VAV2: variants seen among roughly 807,000 people sequenced by gnomAD.
VAV2 encodes guanine nucleotide exchange factor VAV2.
In VAV2, 67 loss-of-function variants were observed where a neutral mutation model predicts 132.5. That is an observed-to-expected ratio of 0.51 (90% confidence interval 0.42 to 0.62). The LOEUF is 0.62. Among genes scored for constraint, VAV2 ranks in the 20% least tolerant of loss-of-function variants. The probability of loss-of-function intolerance (pLI) is 0.00; values close to 1 mark genes in which losing one functional copy is unlikely to be tolerated. For missense variants in VAV2, 938 were observed against 1,153.6 expected (o/e 0.81, Z 2.71); for synonymous variants, 492 against 443.5 (o/e 1.11, Z -1.37).
In VAV2 at chr9:133,788,235, C is replaced by T; in HGVS notation, c.1407+119G>A. ...CAGAGCGGAGACGCCCACCCCAACC[C>T]ACCCGGCCAGCATCAGCGGCTGACT... On this transcript the variant is annotated intron_variant, in intron 15 of 29. Coordinates refer to ENST00000371850, the MANE Select transcript of VAV2 (RefSeq NM_001134398.2). The surrounding 1 kb of genome is among the most constrained non-coding windows in gnomAD (Gnocchi z 5.3). 1.0e-6 allele frequency: 1 copy of T among 998,870 alleles called. No individual in the cohort carries two copies. The highest frequency in any genetic ancestry group is 1.5e-6 in the Non-Finnish European group (1 of 680,470). 61.9% of individuals were successfully genotyped at this position (998,870 alleles called of 1,614,324 possible). A position where few individuals can be genotyped will look rare whatever the true frequency, so the allele number is the denominator to read the frequency against.
rs1834640854 is a variant in VAV2, at chr9:133,794,757, T to C, written c.1101+911A>G. 6.6e-6 allele frequency among the ~76,000 whole-genome samples: 1 copy of C among 152,144 alleles called. No homozygotes were observed. The highest frequency in any genetic ancestry group is 2.4e-5 in the African/African-American group (1 of 41,428). On this transcript the variant is annotated intron_variant, in intron 12 of 29. Transcript: ENST00000371850. The surrounding 1 kb of genome is among the most constrained non-coding windows in gnomAD (Gnocchi z 4.6). ...ATGCAGCTGGAGGGGACCTACCACA[T>C]GCCAGGTGCTGTGCCTGGCCTGGGG... is the stretch of plus-strand genomic sequence containing the variant.
chr9:133,980,255 G>A (rs961875415), intron 1 of VAV2, among the ~76,000 whole-genome samples: 3 of 152,178 alleles, frequency 2.0e-5, no homozygotes, highest in Admixed American at 2.0e-4. Flanking sequence ...AGACCTGCAC[G>A]GGCTGGCACG....
intron 2 of VAV2, among the ~76,000 whole-genome samples, chr9:133,911,213 T>C (rs2132043785): frequency 6.6e-6 from 1 of 152,312 alleles, no homozygotes; most frequent in South Asian, 2.1e-4. Flanking sequence ...CCTGCCTCAC[T>C]CACTAAGCAA....
chr9:133,917,488 T>C lies in VAV2; in HGVS notation c.321+21615A>G, dbSNP rs186334962. 1.8e-3 allele frequency among the ~76,000 whole-genome samples: 271 copies of C among 151,240 alleles called. 2 individuals are homozygous for C. Among genetic ancestry groups the C allele is most frequent in the African/African-American group, 6.2e-3 (254 of 41,102 alleles). On this transcript the variant is annotated intron_variant, in intron 2 of 29. Transcript: ENST00000371850. ...AAGGGTTTTATTTGTTTATCGTTTC[T>C]AGTAAGTCACAAAGACGCATAACCT...
At chr9:133,845,565 T>C (rs2428121) in intron 3 of VAV2, among the ~76,000 whole-genome samples, 2,095 of 152,262 alleles carry the variant, frequency 0.014, 40 homozygotes, top group African/African-American at 0.047. Flanking sequence ...CCTGCCGACT[T>C]GTCTGCTGGG....
chr9:133,843,748 A>T (rs1187710226), intron 3 of VAV2, among the ~76,000 whole-genome samples: 3 of 152,220 alleles, frequency 2.0e-5, no homozygotes, highest in African/African-American at 7.2e-5. Flanking sequence ...TCAAGTGCCA[A>T]GTGGGGCAGG....
chr9:133,875,086 C>T (rs1232954289), intron 2 of VAV2, among the ~76,000 whole-genome samples: 2 of 152,242 alleles, frequency 1.3e-5, no homozygotes, highest in Non-Finnish European at 2.9e-5. Context: ...GGCTCTCCCG[C>T]TGCAGACCCC....
intron 2 of VAV2, among the ~76,000 whole-genome samples, chr9:133,904,297 G>A (rs995427692): frequency 6.6e-6 from 1 of 152,206 alleles, no homozygotes; most frequent in Non-Finnish European, 1.5e-5. Context: ...ATTTCTAGAC[G>A]CTCTAAGACA....
rs1474538238 is a variant in VAV2 at position 133,935,894 on chromosome 9, C to T, written c.321+3209G>A. ...ACCCAGCACACGGTCCCAGGGGGCC[C>T]GGTCCCCAGCCAGCTGTCCCTGACA... On this transcript the variant is annotated intron_variant, in intron 2 of 29. Coordinates refer to ENST00000371850, the MANE Select transcript of VAV2 (RefSeq NM_001134398.2). This position sits in a 1 kb window ranked among gnomAD's most constrained non-coding sequence, Gnocchi z 5.2. Among the ~76,000 whole-genome samples the T allele has an allele frequency of 2.0e-5, 3 of 152,182 alleles. No individual in the cohort carries two copies. Among genetic ancestry groups the T allele is most frequent in the African/African-American group, 4.8e-5 (2 of 41,440 alleles).
At chr9:133,812,370 G>A (rs538569425) in intron 4 of VAV2, among the ~76,000 whole-genome samples, 154 bp from the exon 5 acceptor site, 148 of 152,348 alleles carry the variant, frequency 9.7e-4, no homozygotes, top group African/African-American at 3.2e-3. Context: ...GGTGGGCCCC[G>A]CCTGCAGGGC....
At chr9:133,862,344 C>A (rs1342971194) in intron 2 of VAV2, among the ~76,000 whole-genome samples, 2 of 152,242 alleles carry the variant, frequency 1.3e-5, no homozygotes, top group African/African-American at 4.8e-5. Context: ...CCCAGGGGCA[C>A]AGGTTGTCAC....
intron 10 of VAV2, among the ~76,000 whole-genome samples, chr9:133,797,414 G>A (rs1002273379): frequency 1.2e-4 from 18 of 152,256 alleles, no homozygotes; most frequent in African/African-American, 4.1e-4. Context: ...CCTGGAGTCA[G>A]CAGAGGCCAG....
intron 2 of VAV2, among the ~76,000 whole-genome samples, chr9:133,923,546 G>T (rs1184612636): frequency 6.6e-6 from 1 of 152,226 alleles, no homozygotes; most frequent in Non-Finnish European, 1.5e-5. Context: ...CTGTTGGTGG[G>T]AGTGTAAATT....
Position 133,802,253 on chromosome 9 carries a change from AAC to A in VAV2, c.836+3826_836+3827del, listed in dbSNP as rs1176651794. On this transcript the variant is annotated intron_variant, in intron 9 of 29. Coordinates refer to ENST00000371850, the MANE Select transcript of VAV2 (RefSeq NM_001134398.2). The surrounding 1 kb of genome is among the most constrained non-coding windows in gnomAD (Gnocchi z 5.8). ...AGAAAAAGGAGCCAAAACTTGGAAT[AAC>A]ACACACGGGCACACATGTATGCACA... 6.6e-6 allele frequency among the ~76,000 whole-genome samples: 1 copy of A among 150,518 alleles called. No homozygotes were observed. The highest frequency in any genetic ancestry group is 1.9e-4 in the East Asian group (1 of 5,180).
intron 1 of VAV2, among the ~76,000 whole-genome samples, chr9:133,979,085 G>A (rs1262391569): frequency 1.3e-5 from 2 of 152,246 alleles, no homozygotes; most frequent in African/African-American, 4.8e-5. Flanking sequence ...GGCACATGGG[G>A]AGGGGCACTG....
At chr9:133,818,682 C>T (rs940385336) in intron 4 of VAV2, among the ~76,000 whole-genome samples, 10 of 152,124 alleles carry the variant, frequency 6.6e-5, no homozygotes, top group African/African-American at 2.4e-4. Context: ...CATAATAAAT[C>T]CCCCCAGCCA....
At chr9:133,938,134 T>G (rs948186463) in intron 2 of VAV2, among the ~76,000 whole-genome samples, 1 of 152,150 alleles carries the variant, frequency 6.6e-6, no homozygotes, top group Non-Finnish European at 1.5e-5. Context: ...AGATACCAAG[T>G]CCCTGATAAT....
chr9:133,797,667 A>G (rs776032929), intron 10 of VAV2, 43 bp downstream of exon 10: 3 of 1,579,578 alleles, frequency 1.9e-6, no homozygotes, highest in Admixed American at 3.5e-5. Flanking sequence ...TGCAAGCTGC[A>G]ACCTTGGAGC....
intron 3 of VAV2, among the ~76,000 whole-genome samples, chr9:133,848,165 A>G (rs1837014197): frequency 6.6e-6 from 1 of 151,236 alleles, no homozygotes; most frequent in African/African-American, 2.4e-5. Context: ...CTGTAGTTCC[A>G]GCTACTCGGG....
Sources: allele counts gnomAD v4.1 joint callset (sites outside exome capture counted in the v4.1 genomes callset), GRCh38; gene constraint gnomAD v4.1.1; non-coding constraint Gnocchi (gnomAD v3.1); transcripts MANE v1.5; gene names NCBI Gene and HGNC (gene_info 2026-07-23, HGNC 2026-07-21).